The following CFAP65 variants were observed in gnomAD, a reference collection of about 807,000 sequenced individuals.
CFAP65 encodes cilia- and flagella-associated protein 65.
In CFAP65, 155 loss-of-function variants were observed where a neutral mutation model predicts 208.0. That is an observed-to-expected ratio of 0.75 (90% CI 0.65 to 0.85). The LOEUF (loss-of-function observed/expected upper bound fraction) is 0.85, where lower values mean the gene tolerates loss of function less well. Ranked by LOEUF, CFAP65 falls within the 40% of genes least tolerant of loss-of-function variation. The pLI, the probability that CFAP65 is intolerant of heterozygous loss-of-function variation, is 0.00. For synonymous variants in CFAP65, 970 were observed against 986.3 expected (o/e 0.98, Z 0.31); for missense variants, 2,294 against 2,451.3 (o/e 0.94, Z 1.36).
rs147008412 is a variant in CFAP65 at position 219,004,280 on chromosome 2, C to T, written c.5227G>A (p.Gly1743Ser). 1,287 of 1,614,128 alleles carry T rather than the reference C, an allele frequency of 8.0e-4. 1 individual carries two copies. The highest frequency in any genetic ancestry group is 1.0e-3 in the Non-Finnish European group (1,176 of 1,180,034). The stretch of plus-strand genomic sequence containing the variant: ...GGTCTGTCTTCCTTCGGCTGCTTGC[C>T]CTTCCCATCCTCCCAGCTGCTGGAG... ...VPSSSWEDGKGKQPKEDRPEH... is the reference protein window; with the variant it reads ...VPSSSWEDGKSKQPKEDRPEH... The change falls in exon 33 of 35, where the codon GGC (glycine) becomes AGC (serine). Residue 1743 changes from glycine to serine, a missense_variant. Physicochemically the swap from Gly to Ser is moderately conservative, Grantham distance 56. This residue lies in a region of CFAP65 where 1,427 missense variants were observed against 1,438.7 expected (regional missense o/e 0.99). Coordinates refer to ENST00000341552, the MANE Select transcript of CFAP65 (RefSeq NM_194302.4). This position sits in a 1 kb window ranked among gnomAD's most constrained non-coding sequence, Gnocchi z 4.7.
chr2:219,031,393 T>TA lies in CFAP65; in HGVS notation c.816-89dup. 1 of 1,605,060 alleles carries TA rather than the reference T, an allele frequency of 6.2e-7. No homozygotes were observed. The highest frequency in any genetic ancestry group is 8.5e-7 in the Non-Finnish European group (1 of 1,173,792). Reference sequence around the variant, plus strand: ...AGGGATGCTGGGCAGAACCTCAGACTACCCTACCCCGACAAGGGTATGCCT... The same window carrying TA: ...AGGGATGCTGGGCAGAACCTCAGACTAACCCTACCCCGACAAGGGTATGCCT... On this transcript the variant is annotated intron_variant, in intron 7 of 34. Transcript: ENST00000341552. This position sits in a 1 kb window ranked among gnomAD's most constrained non-coding sequence, Gnocchi z 5.2.
At chr2:219,008,521 G>C (rs113452622) in intron 29 of CFAP65, among the ~76,000 whole-genome samples, 95 of 152,284 alleles carry the variant, frequency 6.2e-4, no homozygotes, top group African/African-American at 2.2e-3. Flanking sequence ...GAGGTGGTCA[G>C]ATCACCTAAG....
intron 10 of CFAP65, 126 bp from the exon 11 acceptor site, chr2:219,029,794 G>GTGATGCTGGAGTT: frequency 7.9e-7 from 1 of 1,266,776 alleles, no homozygotes; most frequent in Non-Finnish European, 1.1e-6. Flanking sequence ...CAGAACTCCA[G>GTGATGCTGGAGTT]CATCACTGGA....
chr2:219,003,608 A>G lies in CFAP65; in HGVS notation c.5556-336T>C, dbSNP rs185537470. Among the ~76,000 whole-genome samples, 5 of 152,278 alleles carry G rather than the reference A, an allele frequency of 3.3e-5. No homozygotes were observed. In the East Asian group the frequency reaches 9.6e-4, roughly 29 times the overall value. ...GGGCCTAGGGAATCCCTACAATGACATAAATCATCTGTAGGGCAGCCCCGG... is the reference window on the plus strand; with the variant it reads ...GGGCCTAGGGAATCCCTACAATGACGTAAATCATCTGTAGGGCAGCCCCGG... On this transcript the variant is annotated intron_variant, in intron 33 of 34. Transcript: ENST00000341552. This position sits in a 1 kb window ranked among gnomAD's most constrained non-coding sequence, Gnocchi z 4.4.
At chr2:219,039,172 T>TGGC in intron 2 of CFAP65, 122 bp from the exon 3 acceptor site, 3 of 845,882 alleles carry the variant, frequency 3.5e-6, no homozygotes, top group Non-Finnish European at 5.4e-6. Flanking sequence ...TGCCAGATGC[T>TGGC]ATGTATATGC....
Position 219,022,666 on chromosome 2 carries a change from C to T in CFAP65, c.2821-337G>A, listed in dbSNP as rs561314096. Among the ~76,000 whole-genome samples, 11 of 152,314 alleles carry T rather than the reference C, an allele frequency of 7.2e-5. No individual in the cohort carries two copies. The South Asian group carries it at 2.3e-3, about 32-fold the overall frequency. ...CTCCACAGGCTATGAGGCCTCTTGTCCCCCCGAGGGGCTGTCCCCTTGGCT... is the reference window on the plus strand; with the variant it reads ...CTCCACAGGCTATGAGGCCTCTTGTTCCCCCGAGGGGCTGTCCCCTTGGCT... On this transcript the variant is annotated intron_variant, in intron 16 of 34. Coordinates refer to ENST00000341552, the MANE Select transcript of CFAP65 (RefSeq NM_194302.4).
intron 17 of CFAP65, 91 bp downstream of exon 17, chr2:219,022,080 C>T (rs1947300349): frequency 1.3e-6 from 2 of 1,510,298 alleles, no homozygotes; most frequent in African/African-American, 1.4e-5. Flanking sequence ...TCTTGGCCTT[C>T]CCTCCCACCT....
chr2:219,021,044 C>T, intron 19 of CFAP65, 108 bp downstream of exon 19: 1 of 1,307,014 alleles, frequency 7.7e-7, no homozygotes, highest in Non-Finnish European at 1.0e-6. Context: ...ACACCCCACT[C>T]ACCCTGCCAG....
At position 219,038,389 on chromosome 2, in the gene CFAP65, T is replaced by C. The variant is rs956916004; in HGVS notation, c.343A>G (p.Thr115Ala). 1 of 1,612,978 alleles carries C rather than the reference T, an allele frequency of 6.2e-7. No homozygotes were observed. Among genetic ancestry groups the C allele is most frequent in the East Asian group, 2.2e-5 (1 of 44,866 alleles). Residue 115 changes from threonine (T) to alanine (A), a missense_variant, in exon 4 of 35, where the codon ACC (threonine) becomes GCC (alanine). This residue lies in a region of CFAP65 where 867 missense variants were observed against 1,012.6 expected (regional missense o/e 0.86). Coordinates refer to ENST00000341552, the MANE Select transcript of CFAP65 (RefSeq NM_194302.4). Reference sequence around the variant, plus strand: ...TGTATCCTTACCTGGGCGCTGATGGTGCTGCAGGCACTCATGGCTGCACTG... The same window carrying C: ...TGTATCCTTACCTGGGCGCTGATGGCGCTGCAGGCACTCATGGCTGCACTG... ...DSSAAMSACS[T>A]ISAQPASSMD...
In CFAP65 at chr2:219,028,302, C is replaced by T. The variant is rs749673733; in HGVS notation, c.1750G>A (p.Ala584Thr). The change falls in exon 12 of 35, where the codon GCC becomes ACC. Residue 584 changes from alanine (A) to threonine (T), a missense_variant. This residue lies in a region of CFAP65 where 867 missense variants were observed against 1,012.6 expected (regional missense o/e 0.86). Transcript: ENST00000341552. ...QHLTWYRTHL[A>T]RGLTLYPPDI... ...GGGGGGTAGAGCGTCAGGCCCCGGG[C>T]CAGGTGTGTGCGGTACCAGGTGAGG... The T allele has an allele frequency of 7.4e-6, 12 of 1,613,978 alleles. No homozygotes were observed. The East Asian group carries it at 2.2e-4, about 30-fold the overall frequency.
chr2:219,010,705 C>G lies in CFAP65; in HGVS notation c.4150-1G>C. ...CCAGGATGTGTATGGGCACGTCCACCTGGGGAGTTAGGAGGGTGGGGGTAG... is the reference window on the plus strand; with the variant it reads ...CCAGGATGTGTATGGGCACGTCCACGTGGGGAGTTAGGAGGGTGGGGGTAG... On this transcript the variant is annotated splice_acceptor_variant, in intron 25 of 34. Transcript: ENST00000341552. LOFTEE classifies it high-confidence loss of function. The G allele has an allele frequency of 1.2e-6, 2 of 1,604,106 alleles. No homozygotes were observed. The highest frequency in any genetic ancestry group is 1.7e-6 in the Non-Finnish European group (2 of 1,175,260).
In CFAP65 at chr2:219,006,529, C is replaced by G; in HGVS notation, c.4675-20G>C. 6.2e-7 allele frequency: 1 copy of G among 1,613,094 alleles called. No individual in the cohort carries two copies. Among genetic ancestry groups the G allele is most frequent in the Non-Finnish European group, 8.5e-7 (1 of 1,179,682 alleles). ...TCTCTTCTGTGGAAAAAGAGAGATC[C>G]TTGCTTAAGATACAAGAGGCCCGGC... On this transcript the variant is annotated intron_variant, in intron 29 of 34. Coordinates refer to ENST00000341552, the MANE Select transcript of CFAP65 (RefSeq NM_194302.4).
chr2:219,021,312 G>A (rs1384817064), intron 18 of CFAP65, 32 bp from the exon 19 acceptor site: 1 of 1,531,422 alleles, frequency 6.5e-7, no homozygotes, highest in Non-Finnish European at 8.8e-7. Context: ...GGGTCAGTGG[G>A]TAGAGGAGGC....
At chr2:219,037,778 GGGCAGCACACC>G (rs1291344846) in intron 4 of CFAP65, among the ~76,000 whole-genome samples, 3 of 152,144 alleles carry the variant, frequency 2.0e-5, no homozygotes, top group Admixed American at 6.5e-5. Flanking sequence ...AGGGAGGCAA[GGGCAGCACACC>G]TAAGGAGCTG....
chr2:219,005,991 A>C (rs753859855), intron 31 of CFAP65, 30 bp downstream of exon 31: 62 of 1,603,596 alleles, frequency 3.9e-5, no homozygotes, highest in South Asian at 5.5e-5. Flanking sequence ...AGAGAAGAGG[A>C]AGGTGACCCC....
At chr2:219,033,810 G>A (rs987361776) in intron 5 of CFAP65, 1 of 151,794 alleles carries the variant, frequency 6.6e-6, no homozygotes, top group African/African-American at 2.4e-5. Flanking sequence ...AGCCAAAGGT[G>A]TAAGGACTAG....
At chr2:219,038,195 A>G (rs746853689) in intron 4 of CFAP65, among the ~76,000 whole-genome samples, 180 bp downstream of exon 4, 1 of 152,142 alleles carries the variant, frequency 6.6e-6, no homozygotes, top group African/African-American at 2.4e-5. Flanking sequence ...CCAATATAGT[A>G]TTTTCTTTCC....
Position 219,019,536 on chromosome 2 carries a change from T to C in CFAP65, c.3443A>G (p.Glu1148Gly). The change falls in exon 20 of 35, where the codon GAG becomes GGG. Residue 1148 changes from glutamate (E) to glycine (G), a missense_variant. By Grantham distance (98) the Glu-to-Gly change is moderately conservative (BLOSUM62 -2). Transcript: ENST00000341552. ...SYLERDPTPC[E>G]LTYKVPTRHS... The stretch of plus-strand genomic sequence containing the variant: ...CCGGGTGGGCACCTTGTAGGTGAGC[T>C]CACAGGGGGTGGGGTCACGCTCCAA... 6.2e-7 allele frequency: 1 copy of C among 1,613,020 alleles called. No individual in the cohort carries two copies. The highest frequency in any genetic ancestry group is 8.5e-7 in the Non-Finnish European group (1 of 1,179,992).
At position 219,031,382 on chromosome 2, in the gene CFAP65, G is replaced by C; in HGVS notation, c.816-77C>G. 4 of 1,604,832 alleles carry C rather than the reference G, an allele frequency of 2.5e-6. No individual in the cohort carries two copies. Among genetic ancestry groups the C allele is most frequent in the Non-Finnish European group, 2.6e-6 (3 of 1,173,656 alleles). ...AGTAGCAAGTCAGGGATGCTGGGCA[G>C]AACCTCAGACTACCCTACCCCGACA... On this transcript the variant is annotated intron_variant, in intron 7 of 34. Transcript: ENST00000341552. The surrounding 1 kb of genome is among the most constrained non-coding windows in gnomAD (Gnocchi z 5.2).
Sources: allele counts gnomAD v4.1 joint callset (sites outside exome capture counted in the v4.1 genomes callset), GRCh38; gene constraint gnomAD v4.1.1; regional missense constraint gnomAD v4.1.1; non-coding constraint Gnocchi (gnomAD v3.1); transcripts MANE v1.5; gene names NCBI Gene and HGNC (gene_info 2026-07-23, HGNC 2026-07-21).